The following PCGF3 variants were observed in gnomAD, a reference collection of about 807,000 sequenced individuals.
PCGF3 encodes the protein polycomb group RING finger protein 3.
Under a neutral mutation model 33.1 loss-of-function variants are expected in PCGF3, and 7 were observed. That is an observed-to-expected ratio of 0.21 (90% CI 0.12 to 0.40). The LOEUF (loss-of-function observed/expected upper bound fraction) is 0.40. PCGF3 is among the 10% of genes least tolerant of loss of function. PCGF3 has a pLI of 1.00. For synonymous variants in PCGF3, 153 were observed against 121.3 expected (o/e 1.26, Z -1.72); for missense variants, 211 against 313.3 (o/e 0.67, Z 2.46).
chr4:724,100 A>G (rs1476636345), intron 1 of PCGF3: 2 of 152,372 alleles, frequency 1.3e-5, no homozygotes, highest in Non-Finnish European at 2.9e-5. Context: ...TTCAGGGCCC[A>G]ATGGCAGAGC....
intron 8 of PCGF3, among the ~76,000 whole-genome samples, chr4:750,898 C>G (rs1011027443): frequency 6.6e-6 from 1 of 152,090 alleles, no homozygotes; most frequent in Non-Finnish European, 1.5e-5. Flanking sequence ...TTCTCTTGTA[C>G]TAACATCGCT....
At chr4:743,994 T>A (rs1247673152) in intron 7 of PCGF3, 2 of 168,594 alleles carry the variant, frequency 1.2e-5, no homozygotes. Context: ...CGTTCATGTC[T>A]TGAGGACATT....
At chr4:753,109 G>GA (rs1425116336) in intron 8 of PCGF3, among the ~76,000 whole-genome samples, 2 of 152,274 alleles carry the variant, frequency 1.3e-5, no homozygotes, top group African/African-American at 4.8e-5. Context: ...TGGCCCAGGA[G>GA]AGGGCATGGG....
chr4:743,334 C>T (rs1314591673), intron 6 of PCGF3, 140 bp from the exon 7 acceptor site: 3 of 613,690 alleles, frequency 4.9e-6, no homozygotes, highest in Non-Finnish European at 8.9e-6. Flanking sequence ...ACATCTCAGT[C>T]TTAATTTGCT....
At chr4:724,742 G>A (rs1030461880) in intron 1 of PCGF3, among the ~76,000 whole-genome samples, 2 of 152,128 alleles carry the variant, frequency 1.3e-5, no homozygotes, top group Non-Finnish European at 2.9e-5. Context: ...AGCTTGCAGT[G>A]AGCCGAGATC....
chr4:720,199 G>C lies in PCGF3; in HGVS notation c.-189-10431G>C, dbSNP rs1743015411. Among the ~76,000 whole-genome samples the C allele has an allele frequency of 6.6e-6, 1 of 152,180 alleles. No individual in the cohort carries two copies. The highest frequency in any genetic ancestry group is 2.1e-4 in the South Asian group (1 of 4,828). On this transcript the variant is annotated intron_variant, in intron 1 of 10. Transcript: ENST00000362003. This position sits in a 1 kb window ranked among gnomAD's most constrained non-coding sequence, Gnocchi z 5.6. ...TGCTGCCGGAGTATGCCAAGCACGAGGGGCCAGGTGGCACACAGCACCTGT... is the reference window on the plus strand; with the variant it reads ...TGCTGCCGGAGTATGCCAAGCACGACGGGCCAGGTGGCACACAGCACCTGT...
intron 1 of PCGF3, among the ~76,000 whole-genome samples, chr4:708,476 C>A (rs894219741): frequency 6.6e-6 from 1 of 152,134 alleles, no homozygotes; most frequent in African/African-American, 2.4e-5. Flanking sequence ...TACCCGAGGC[C>A]CTTTCCATGA....
chr4:717,829 C>T (rs911132745), intron 1 of PCGF3, among the ~76,000 whole-genome samples: 1 of 152,216 alleles, frequency 6.6e-6, no homozygotes, highest in Non-Finnish European at 1.5e-5. Context: ...GGAGTCCACG[C>T]GGCAGGGGCA....
intron 3 of PCGF3, 23 bp from the exon 4 acceptor site, chr4:733,645 GTTAA>G (rs761411651): frequency 2.3e-5 from 37 of 1,584,882 alleles, no homozygotes; most frequent in South Asian, 2.0e-4. Flanking sequence ...AGTTTCAGGT[GTTAA>G]TTAATCGCGT....
intron 9 of PCGF3, 134 bp from the exon 10 acceptor site, chr4:764,850 C>A (rs78261751): frequency 1.1e-4 from 70 of 631,568 alleles, no homozygotes; most frequent in African/African-American, 3.3e-4. Context: ...ATGAACCAGC[C>A]CCCCCCACCC....
At chr4:735,116 T>G in intron 5 of PCGF3, 89 bp downstream of exon 5, 1 of 1,386,478 alleles carries the variant, frequency 7.2e-7, no homozygotes, top group Non-Finnish European at 9.9e-7. Flanking sequence ...ATTAGCGCTG[T>G]ACTCCCATCC....
intron 8 of PCGF3, among the ~76,000 whole-genome samples, chr4:755,436 C>T (rs776187572): frequency 2.0e-5 from 3 of 152,180 alleles, no homozygotes; most frequent in Non-Finnish European, 4.4e-5. Context: ...CTTATGTGAG[C>T]TGCAGGGCTA....
intron 8 of PCGF3, among the ~76,000 whole-genome samples, chr4:755,743 C>T (rs960005460): frequency 2.0e-5 from 3 of 152,126 alleles, no homozygotes; most frequent in African/African-American, 7.2e-5. Flanking sequence ...TCCACACTCT[C>T]AGGTCCCCCT....
At chr4:715,096 G>A (rs1742753230) in intron 1 of PCGF3, among the ~76,000 whole-genome samples, 2 of 147,900 alleles carry the variant, frequency 1.4e-5, no homozygotes, top group East Asian at 2.1e-4. Flanking sequence ...CTGGGACCCT[G>A]TAGACTCTGT....
chr4:752,666 G>A (rs931978754), intron 8 of PCGF3, among the ~76,000 whole-genome samples: 1 of 152,194 alleles, frequency 6.6e-6, no homozygotes, highest in Non-Finnish European at 1.5e-5. Flanking sequence ...GCAGTCTTGG[G>A]GATACAGGGG....
chr4:715,798 G>A (rs1388075378), intron 1 of PCGF3, among the ~76,000 whole-genome samples: 1 of 62,000 alleles, frequency 1.6e-5, no homozygotes, highest in Non-Finnish European at 3.6e-5. Flanking sequence ...CTGGGACCCT[G>A]TAGACACTTA....
chr4:715,341 G>A (rs567521136), intron 1 of PCGF3, among the ~76,000 whole-genome samples: 5 of 143,934 alleles, frequency 3.5e-5, no homozygotes, highest in South Asian at 4.5e-4. Context: ...AGAACTGGGC[G>A]TCGGTGCTGG....
Position 720,698 on chromosome 4 carries a change from C to T in PCGF3, c.-189-9932C>T, listed in dbSNP as rs113509405. ...CCCGGGGTGGACGGGCGGTGACGTG[C>T]GTGTGGACCCGGCGTGGACGGGCGG... On this transcript the variant is annotated intron_variant, in intron 1 of 10. Transcript: ENST00000362003. This position sits in a 1 kb window ranked among gnomAD's most constrained non-coding sequence, Gnocchi z 5.6. Among the ~76,000 whole-genome samples, 3 of 147,644 alleles carry T rather than the reference C, an allele frequency of 2.0e-5. No homozygotes were observed. Among genetic ancestry groups the T allele is most frequent in the South Asian group, 2.2e-4 (1 of 4,614 alleles).
intron 8 of PCGF3, among the ~76,000 whole-genome samples, chr4:751,864 TC>T (rs1744529627): frequency 6.6e-6 from 1 of 152,078 alleles, no homozygotes; most frequent in South Asian, 2.1e-4. Context: ...GCCGACCTCT[TC>T]TCCATCATCT....
Sources: allele counts gnomAD v4.1 joint callset (sites outside exome capture counted in the v4.1 genomes callset), GRCh38; gene constraint gnomAD v4.1.1; non-coding constraint Gnocchi (gnomAD v3.1); transcripts MANE v1.5; gene names NCBI Gene and HGNC (gene_info 2026-07-23, HGNC 2026-07-21).